The following SEMA3A variants were observed in gnomAD, a reference collection of about 807,000 sequenced individuals.
SEMA3A encodes the protein semaphorin-3A.
Under a neutral mutation model 97.9 loss-of-function variants are expected in SEMA3A, and 29 were observed. The ratio of observed to expected loss-of-function variants is 0.30; its 90% CI spans 0.22 to 0.40. SEMA3A has a LOEUF of 0.40. SEMA3A is among the 10% of genes least tolerant of loss of function. The pLI, the probability that SEMA3A is intolerant of heterozygous loss-of-function variation, is 1.00. For missense variants in SEMA3A, 763 were observed against 951.3 expected (o/e 0.80, Z 2.60); for synonymous variants, 321 against 323.7 (o/e 0.99, Z 0.09).
intron 4 of SEMA3A, among the ~76,000 whole-genome samples, chr7:84,060,851 T>C (rs957702271): frequency 1.3e-5 from 2 of 152,226 alleles, no homozygotes; most frequent in Admixed American, 1.3e-4. Flanking sequence ...AGAGTGATTA[T>C]TTTATCACAC....
chr7:84,217,233 A>G (rs949872995), intron 3 of SEMA3A, among the ~76,000 whole-genome samples: 1 of 152,220 alleles, frequency 6.6e-6, no homozygotes, highest in African/African-American at 2.4e-5. Context: ...TGTTTCAAGC[A>G]AAAATTAATT....
intron 12 of SEMA3A, among the ~76,000 whole-genome samples, chr7:83,989,480 A>C (rs1789798141): frequency 1.8e-5 from 2 of 109,006 alleles, no homozygotes; most frequent in Non-Finnish European, 1.8e-5. Flanking sequence ...CCCCCACCCC[A>C]CCACAGTCTC....
intron 2 of SEMA3A, among the ~76,000 whole-genome samples, chr7:84,367,275 A>G (rs1016879301): frequency 2.6e-5 from 4 of 151,402 alleles, no homozygotes; most frequent in African/African-American, 9.7e-5. Context: ...CATCTTAAAG[A>G]AAGAGGCAAA....
At chr7:84,448,761 A>G (rs905889787) in intron 1 of SEMA3A, among the ~76,000 whole-genome samples, 3 of 152,048 alleles carry the variant, frequency 2.0e-5, no homozygotes, top group African/African-American at 4.8e-5. Context: ...AATTCCGTGC[A>G]ATTTGTTTGA....
intron 5 of SEMA3A, among the ~76,000 whole-genome samples, chr7:84,048,089 G>A (rs567691030): frequency 1.3e-5 from 2 of 152,070 alleles, no homozygotes; most frequent in African/African-American, 4.8e-5. Context: ...GGATTGTTGT[G>A]ATTCAAGATA....
chr7:84,112,488 T>C (rs1328672253), intron 3 of SEMA3A, among the ~76,000 whole-genome samples: 1 of 152,144 alleles, frequency 6.6e-6, no homozygotes, highest in Admixed American at 6.6e-5. Flanking sequence ...AGTGCCTCCT[T>C]AGAAATATGA....
intron 2 of SEMA3A, among the ~76,000 whole-genome samples, chr7:84,130,610 T>A (rs1795934659): frequency 6.6e-6 from 1 of 152,122 alleles, no homozygotes; most frequent in African/African-American, 2.4e-5. Context: ...AGTAAGTGTA[T>A]CATTCTGATA....
At chr7:84,019,672 C>A (rs566903884) in intron 6 of SEMA3A, among the ~76,000 whole-genome samples, 2 of 152,154 alleles carry the variant, frequency 1.3e-5, no homozygotes, top group South Asian at 4.1e-4. Flanking sequence ...ATGTATATAT[C>A]CTGCGGTTTT....
rs182538384 is a variant in SEMA3A, at chr7:84,291,089, A to G, written c.-83+16118T>C. 1.2e-3 allele frequency among the ~76,000 whole-genome samples: 176 copies of G among 152,204 alleles called. 1 individual carries two copies. Among genetic ancestry groups the G allele is most frequent in the African/African-American group, 4.0e-3 (165 of 41,538 alleles). On this transcript the variant is annotated intron_variant, in intron 3 of 3. Transcript: ENST00000424555. ...CTGCTGGTATCAAGGAATCAATCAT[A>G]AATTATTCTCAATAAACTCCTTTCT...
chr7:84,361,413 A>T (rs1802716148), intron 2 of SEMA3A, among the ~76,000 whole-genome samples: 1 of 152,080 alleles, frequency 6.6e-6, no homozygotes, highest in African/African-American at 2.4e-5. Flanking sequence ...AAGAAAACTG[A>T]AATAAAAATG....
At chr7:84,369,251 T>C (rs1169424790) in intron 2 of SEMA3A, among the ~76,000 whole-genome samples, 1 of 151,034 alleles carries the variant, frequency 6.6e-6, no homozygotes. Context: ...GTGTTCTGTA[T>C]GGACTTATCC....
At position 84,435,917 on chromosome 7, in the gene SEMA3A, C is replaced by A. The variant is rs188287320; in HGVS notation, c.-246+56543G>T. On this transcript the variant is annotated intron_variant, in intron 1 of 3. Transcript: ENST00000424555. ...AACAAAGCTGGAGGCATCACATTAC[C>A]CTACTTTAAACTGTGCTGTAAGGCT... is the stretch of plus-strand genomic sequence containing the variant. Among the ~76,000 whole-genome samples, 63 of 152,178 alleles carry A rather than the reference C, an allele frequency of 4.1e-4. No homozygotes were observed. In the Middle Eastern group the frequency reaches 0.01, roughly 25 times the overall value.
At chr7:84,024,370 G>T (rs968520212) in intron 6 of SEMA3A, among the ~76,000 whole-genome samples, 1 of 133,970 alleles carries the variant, frequency 7.5e-6, no homozygotes, top group Non-Finnish European at 1.6e-5. Flanking sequence ...ATGAAACCTC[G>T]TCTCTACTAA....
chr7:84,025,184 G>A (rs1383010357), intron 6 of SEMA3A, among the ~76,000 whole-genome samples: 3 of 152,128 alleles, frequency 2.0e-5, no homozygotes, highest in Non-Finnish European at 2.9e-5. Flanking sequence ...CTAAAAACCT[G>A]CTAAAGACAA....
At chr7:84,283,582 G>C (rs1263439602) in intron 3 of SEMA3A, among the ~76,000 whole-genome samples, 1 of 151,742 alleles carries the variant, frequency 6.6e-6, no homozygotes, top group Non-Finnish European at 1.5e-5. Context: ...AAAAAAAAGA[G>C]GATATTAACA....
At chr7:84,342,805 T>C (rs1010637903) in intron 2 of SEMA3A, among the ~76,000 whole-genome samples, 2 of 152,158 alleles carry the variant, frequency 1.3e-5, no homozygotes, top group African/African-American at 4.8e-5. Flanking sequence ...TAAGGAATTA[T>C]AGAGATGAGG....
At chr7:84,069,744 G>T (rs1444146964) in intron 4 of SEMA3A, among the ~76,000 whole-genome samples, 5 of 151,898 alleles carry the variant, frequency 3.3e-5, no homozygotes, top group Non-Finnish European at 7.4e-5. Flanking sequence ...CATAGAATGC[G>T]TGTGAAAATC....
At chr7:84,238,105 T>C (rs1475671400) in intron 3 of SEMA3A, among the ~76,000 whole-genome samples, 1 of 152,038 alleles carries the variant, frequency 6.6e-6, no homozygotes, top group Admixed American at 6.6e-5. Flanking sequence ...AGTCTCACTC[T>C]GTCACCCAGA....
intron 1 of SEMA3A, among the ~76,000 whole-genome samples, chr7:84,433,949 T>A (rs112152630): frequency 6.6e-6 from 1 of 152,276 alleles, no homozygotes; most frequent in Non-Finnish European, 1.5e-5. Flanking sequence ...TTTGTTTAAG[T>A]TCTTTGTAGA....
Sources: allele counts gnomAD v4.1 joint callset (sites outside exome capture counted in the v4.1 genomes callset), GRCh38; gene constraint gnomAD v4.1.1; transcripts MANE v1.5; gene names NCBI Gene and HGNC (gene_info 2026-07-23, HGNC 2026-07-21).